Variants in SMCO3 observed in about 807,000 individuals in gnomAD.
SMCO3 encodes single-pass membrane protein with coiled-coil domains 3, also known as single-pass membrane and coiled-coil domain-containing protein 3.
A neutral mutation model predicts 12.0 loss-of-function variants in SMCO3; 6 were observed. The observed-to-expected ratio is 0.50, with a 90% confidence interval of 0.27 to 0.99. The LOEUF is 0.99. Ranked by LOEUF, SMCO3 falls within the 50% of genes least tolerant of loss-of-function variation. SMCO3 has a pLI of 0.11. For synonymous variants in SMCO3, 96 were observed against 96.4 expected, an observed-to-expected ratio of 1.00 and a Z score of 0.02; for missense variants, 279 against 265.0, an observed-to-expected ratio of 1.05 and a Z score of -0.37.
rs185393906 is a variant in SMCO3 at position 14,805,156 on chromosome 12, C to A, written c.*847G>T. 3.0e-4 allele frequency: 45 copies of A among 152,278 alleles called. No homozygotes were observed. The highest frequency in any genetic ancestry group is 5.0e-4 in the Non-Finnish European group (34 of 68,008). 9.4% of individuals were successfully genotyped at this position (152,278 alleles called of 1,614,324 possible). A position where few individuals can be genotyped will look rare whatever the true frequency, so the allele number is the denominator to read the frequency against. ...TGAAAATGAAATTATATTCTTTTTT[C>A]TGAAAGCTTATAATAAATTATGACT... On this transcript the variant is annotated 3_prime_UTR_variant, in exon 2 of 2. Transcript: ENST00000316048.
At chr12:14,806,957 G>A (rs1276866829) in intron 1 of SMCO3, among the ~76,000 whole-genome samples, 1 of 152,084 alleles carries the variant, frequency 6.6e-6, no homozygotes, top group East Asian at 1.9e-4. Flanking sequence ...TCAGCCTCCC[G>A]AGTAGCTGGG....
chr12:14,811,023 G>T (rs965775397), intron 1 of SMCO3, among the ~76,000 whole-genome samples: 27 of 152,248 alleles, frequency 1.8e-4, no homozygotes, highest in Admixed American at 7.2e-4. Context: ...TTTCATTGAT[G>T]ACCTGTCACT....
chr12:14,806,571 T>G lies in SMCO3; in HGVS notation c.110A>C (p.Asn37Thr), dbSNP rs1950054597. 3.7e-6 allele frequency: 6 copies of G among 1,614,160 alleles called. No homozygotes were observed. Among genetic ancestry groups the G allele is most frequent in the Non-Finnish European group, 5.1e-6 (6 of 1,180,020 alleles). Residue 37 changes from asparagine (N) to threonine (T), a missense_variant, in exon 2 of 2, where the codon AAT becomes ACT. Asn to Thr is a moderately conservative substitution (Grantham distance 65). Transcript: ENST00000316048. ...CATATTTAGAACCTCAGTCAGCTTA[T>G]TGGTGACATCGAAGCTGTCAGATAA... ...DCLSDSFDVTNKLTEVLNMHL... is the reference protein window; with the variant it reads ...DCLSDSFDVTTKLTEVLNMHL...
chr12:14,807,274 A>C (rs892115233), intron 1 of SMCO3, among the ~76,000 whole-genome samples: 2 of 152,258 alleles, frequency 1.3e-5, no homozygotes, highest in Admixed American at 6.5e-5. Flanking sequence ...TTTGTCAAGC[A>C]TCTGTTTATT....
chr12:14,812,161 T>C (rs961595845), intron 1 of SMCO3, among the ~76,000 whole-genome samples: 3 of 152,246 alleles, frequency 2.0e-5, no homozygotes, highest in Non-Finnish European at 4.4e-5. Flanking sequence ...TTAAAAATAT[T>C]TGGCCGGGCG....
At chr12:14,810,877 T>C (rs907288106) in intron 1 of SMCO3, among the ~76,000 whole-genome samples, 1 of 152,218 alleles carries the variant, frequency 6.6e-6, no homozygotes, top group African/African-American at 2.4e-5. Flanking sequence ...ACAAAAGCCC[T>C]GCAATTATTT....
chr12:14,810,028 T>A (rs1276420685), intron 1 of SMCO3, among the ~76,000 whole-genome samples: 1 of 152,234 alleles, frequency 6.6e-6, no homozygotes, highest in African/African-American at 2.4e-5. Context: ...TCGTGGGATC[T>A]AGACATCAGT....
At chr12:14,810,115 A>G (rs1950113309) in intron 1 of SMCO3, among the ~76,000 whole-genome samples, 1 of 152,226 alleles carries the variant, frequency 6.6e-6, no homozygotes, top group Admixed American at 6.5e-5. Flanking sequence ...CCTTATAATG[A>G]AAAAGGACTT....
chr12:14,811,257 G>A (rs1210003921), intron 1 of SMCO3, among the ~76,000 whole-genome samples: 1 of 152,132 alleles, frequency 6.6e-6, no homozygotes, highest in Non-Finnish European at 1.5e-5. Flanking sequence ...GGGTTCTGTA[G>A]TGCCCTGGAG....
intron 1 of SMCO3, among the ~76,000 whole-genome samples, chr12:14,808,635 G>A (rs909395042): frequency 7.2e-5 from 11 of 151,982 alleles, no homozygotes; most frequent in Non-Finnish European, 1.2e-4. Flanking sequence ...AGTTGGCAAC[G>A]GAAAAGAGAA....
chr12:14,806,272 C>T lies in SMCO3; in HGVS notation c.409G>A (p.Gly137Ser). Residue 137 changes from glycine (G) to serine (S), a missense_variant, in exon 2 of 2, where the codon GGC becomes AGC. Gly to Ser is a moderately conservative substitution (Grantham distance 56). Transcript: ENST00000316048. ...ATTATGCCAGTTGTGACATTTGAGC[C>T]CACAAGTTTAACAGCGACTGCACTG... Reference protein sequence around the residue: ...AASAVAVKLVGSNVTTGIINK... With the variant: ...AASAVAVKLVSSNVTTGIINK... 1 of 1,614,214 alleles carries T rather than the reference C, an allele frequency of 6.2e-7. No homozygotes were observed. Among genetic ancestry groups the T allele is most frequent in the East Asian group, 2.2e-5 (1 of 44,890 alleles).
chr12:14,807,004 TGTATTTTA>T (rs1465187954), intron 1 of SMCO3, among the ~76,000 whole-genome samples: 1 of 152,144 alleles, frequency 6.6e-6, no homozygotes, highest in Admixed American at 6.5e-5. Context: ...GCTAGATTTT[TGTATTTTA>T]GTAGAGACAG....
chr12:14,809,114 T>A (rs553214123), intron 1 of SMCO3, among the ~76,000 whole-genome samples: 41 of 152,222 alleles, frequency 2.7e-4, no homozygotes, highest in Non-Finnish European at 5.3e-4. Flanking sequence ...AGAGGAGTTT[T>A]CTTATCCTGA....
intron 1 of SMCO3, among the ~76,000 whole-genome samples, chr12:14,809,190 G>A (rs1298302802): frequency 6.6e-6 from 1 of 152,138 alleles, no homozygotes. Context: ...TCCAGAAAAG[G>A]TGGGTGGTTC....
chr12:14,813,709 C>T (rs4764125), intron 1 of SMCO3, among the ~76,000 whole-genome samples: 8,840 of 152,162 alleles, frequency 0.058, 359 homozygotes, highest in Non-Finnish European at 0.088. Context: ...TATACATTAA[C>T]CAGTATTAGA....
chr12:14,808,027 G>A (rs1425782561), intron 1 of SMCO3, among the ~76,000 whole-genome samples: 1 of 152,086 alleles, frequency 6.6e-6, no homozygotes, highest in African/African-American at 2.4e-5. Context: ...TTAGTTGGGT[G>A]TGGTGGTGCA....
intron 1 of SMCO3, among the ~76,000 whole-genome samples, chr12:14,812,360 C>T (rs1364873705): frequency 3.3e-5 from 5 of 152,108 alleles, no homozygotes; most frequent in African/African-American, 1.2e-4. Context: ...AGGAGAATGG[C>T]ATGAGCCTGG....
intron 1 of SMCO3, among the ~76,000 whole-genome samples, chr12:14,812,300 C>T (rs1002521265): frequency 3.3e-5 from 5 of 152,238 alleles, no homozygotes; most frequent in Admixed American, 1.3e-4. Flanking sequence ...AAAAATTAGC[C>T]GGGCGCGGTG....
rs201011813 is a variant in SMCO3, at chr12:14,806,656, G to A, written c.25C>T (p.Pro9Ser). The change falls in exon 2 of 2, where the codon CCA becomes TCA. Residue 9 changes from proline (P) to serine (S), a missense_variant. Physicochemically the swap from Pro to Ser is moderately conservative, Grantham distance 74. Coordinates refer to ENST00000316048, the MANE Select transcript of SMCO3 (RefSeq NM_001013698.2). Reference protein sequence around the residue: MAQSDFLYPENPKRREEVN... With the variant: MAQSDFLYSENPKRREEVN... ...TCTTCCCGCCTTTTTGGGTTCTCTG[G>A]GTAAAGGAAGTCACTTTGGGCCATA... 121 of 1,597,738 alleles carry A rather than the reference G, an allele frequency of 7.6e-5. No individual in the cohort carries two copies. Among genetic ancestry groups the A allele is most frequent in the Non-Finnish European group, 9.5e-5 (112 of 1,173,842 alleles).
Sources: allele counts gnomAD v4.1 joint callset (sites outside exome capture counted in the v4.1 genomes callset), GRCh38; gene constraint gnomAD v4.1.1; transcripts MANE v1.5; gene names NCBI Gene and HGNC (gene_info 2026-07-23, HGNC 2026-07-21).